Variants in DISP2 observed in about 807,000 individuals in gnomAD.
DISP2 encodes dispatched RND transporter family member 2.
Under a neutral mutation model 95.5 loss-of-function variants are expected in DISP2, and 59 were observed. The observed-to-expected ratio is 0.62, with a 90% CI of 0.50 to 0.77. The LOEUF (loss-of-function observed/expected upper bound fraction) is 0.77, where lower values mean the gene tolerates loss of function less well. DISP2 is among the 30% of genes least tolerant of loss of function. The pLI is 0.00. For missense variants in DISP2, 1,752 were observed against 1,854.6 expected, an observed-to-expected ratio of 0.94 and a Z score of 1.02; for synonymous variants, 827 against 815.0, an observed-to-expected ratio of 1.01 and a Z score of -0.25.
At position 40,369,355 on chromosome 15, in the gene DISP2, A is replaced by G; in HGVS notation, c.3243A>G (p.Thr1081=). 1 of 1,613,580 alleles carries G rather than the reference A, an allele frequency of 6.2e-7. No homozygotes were observed. Among genetic ancestry groups the G allele is most frequent in the Non-Finnish European group, 8.5e-7 (1 of 1,179,976 alleles). The change falls in exon 8 of 8, where the codon ACA becomes ACG. Residue 1081 remains threonine, a synonymous_variant. Coordinates refer to ENST00000267889, the MANE Select transcript of DISP2 (RefSeq NM_033510.3). ...CAGGCGTGCTCATGCTGCCTGCCACAGTGCTGCTCTATCGCAAGCTGGGCA... is the reference window on the plus strand; with the variant it reads ...CAGGCGTGCTCATGCTGCCTGCCACGGTGCTGCTCTATCGCAAGCTGGGCA... ...FAAGVLMLPA[T]VLLYRKLGII... is the part of the protein sequence containing the mutation.
In DISP2 at chr15:40,375,071, T is replaced by C. The variant is rs577651773; in HGVS notation, c.*4753T>C. 1 of 152,348 alleles carries C rather than the reference T, an allele frequency of 6.6e-6. No individual in the cohort carries two copies. Among genetic ancestry groups the C allele is most frequent in the South Asian group, 2.1e-4 (1 of 4,834 alleles). 9.4% of individuals were successfully genotyped at this position (152,348 alleles called of 1,614,324 possible). A position where few individuals can be genotyped will look rare whatever the true frequency, so the allele number is the denominator to read the frequency against. On this transcript the variant is annotated 3_prime_UTR_variant, in exon 8 of 8. Coordinates refer to ENST00000267889, the MANE Select transcript of DISP2 (RefSeq NM_033510.3). The stretch of plus-strand genomic sequence containing the variant: ...CTACCCACACCCTTGTTCACAGGGA[T>C]GACTGTAACTAAGGTCTGCAGGTAT...
rs772957187 is a variant in DISP2, at chr15:40,364,234, G to A, written c.458G>A (p.Arg153Gln). The change falls in exon 3 of 8, where the codon CGA (arginine) becomes CAA (glutamine). Residue 153 changes from arginine to glutamine, a missense_variant. By Grantham distance (43) the Arg-to-Gln change is conservative (BLOSUM62 1). This residue lies in a region of DISP2 where 342 missense variants were observed against 364.3 expected (regional missense o/e 0.94). Coordinates refer to ENST00000267889, the MANE Select transcript of DISP2 (RefSeq NM_033510.3). ...TTTCTTCTCTTCCACAGGCAGGAAC[G>A]AGCCTTCCAGATGCCAAAGAGGTAG... ...QHHVVSVRQE[R>Q]AFQMPKSYSQ... The A allele has an allele frequency of 6.2e-6, 10 of 1,613,946 alleles. No individual in the cohort carries two copies. Among genetic ancestry groups the A allele is most frequent in the African/African-American group, 2.7e-5 (2 of 74,896 alleles).
In DISP2 at chr15:40,358,447, C is replaced by T. The variant is rs191537922; in HGVS notation, c.119+7C>T. ...ACGGCGGCTCCCCGGACAGGTAGGGCGGACAGCTCCGCAGATCCGTATCAC... is the reference window on the plus strand; with the variant it reads ...ACGGCGGCTCCCCGGACAGGTAGGGTGGACAGCTCCGCAGATCCGTATCAC... On this transcript the variant is annotated splice_region_variant and intron_variant, in intron 1 of 7. Coordinates refer to ENST00000267889, the MANE Select transcript of DISP2 (RefSeq NM_033510.3). 5.4e-4 allele frequency: 706 copies of T among 1,304,654 alleles called. 4 individuals carry two copies. In the African/African-American group the frequency reaches 0.01, roughly 19 times the overall value. The allele number at this position is 1,304,654 out of a possible 1,614,324, so 80.8% of individuals were successfully genotyped here.
Position 40,358,225 on chromosome 15 carries a change from AC to A in DISP2, c.-96del, listed in dbSNP as rs1182011196. 6.2e-6 allele frequency: 5 copies of A among 806,126 alleles called. No individual in the cohort carries two copies. The highest frequency in any genetic ancestry group is 7.8e-6 in the Non-Finnish European group (5 of 638,634). The allele number at this position is 806,126 out of a possible 1,614,324, so 49.9% of individuals were successfully genotyped here. On this transcript the variant is annotated 5_prime_UTR_variant, in exon 1 of 8. Transcript: ENST00000267889. ...GCCCGCTCAGAGCCTACGCATGCGC[AC>A]GAGCACCCCGCCGCCGCTGCCGCCG... is the stretch of plus-strand genomic sequence containing the variant.
At position 40,363,653 on chromosome 15, in the gene DISP2, G is replaced by C; in HGVS notation, c.148G>C (p.Ala50Pro). 6.4e-7 allele frequency: 1 copy of C among 1,558,130 alleles called. No homozygotes were observed. The highest frequency in any genetic ancestry group is 1.2e-5 in the South Asian group (1 of 82,160). Residue 50 changes from alanine (A) to proline (P), a missense_variant, in exon 2 of 8, where the codon GCA becomes CCA. Physicochemically the swap from Ala to Pro is conservative, Grantham distance 27 (BLOSUM62 -1). Transcript: ENST00000267889. ...CCAGACCAAGGCTGTGCCCCCTGAG[G>C]CAAGCCCAGAGAGAAGCTGCTCCCT... is the stretch of plus-strand genomic sequence containing the variant. ...STQTKAVPPE[A>P]SPERSCSLHS...
At chr15:40,365,088 G>C in intron 5 of DISP2, 59 bp from the exon 6 acceptor site, 1 of 1,594,924 alleles carries the variant, frequency 6.3e-7, no homozygotes, top group Admixed American at 1.7e-5. Flanking sequence ...GTGGTCTCTG[G>C]CCTCCTCTGA....
At position 40,370,034 on chromosome 15, in the gene DISP2, C is replaced by T. The variant is rs771158702; in HGVS notation, c.3922C>T (p.Arg1308Cys). 37 of 1,613,998 alleles carry T rather than the reference C, an allele frequency of 2.3e-5. No homozygotes were observed. The highest frequency in any genetic ancestry group is 8.9e-5 in the East Asian group (4 of 44,888). Residue 1308 changes from arginine (R) to cysteine (C), a missense_variant, in exon 8 of 8, where the codon CGT becomes TGT. Transcript: ENST00000267889. ...CCTAAGCACCTCTGAGCCCAGTGCC[C>T]GTGTACCAGATTCCGTGGGTGTGTC... is the stretch of plus-strand genomic sequence containing the variant. ...TCLSTSEPSA[R>C]VPDSVGVSPD... is the part of the protein sequence containing the mutation.
Position 40,369,198 on chromosome 15 carries a change from C to T in DISP2, c.3086C>T (p.Ser1029Leu). The T allele has an allele frequency of 6.2e-7, 1 of 1,613,928 alleles. No homozygotes were observed. Among genetic ancestry groups the T allele is most frequent in the Non-Finnish European group, 8.5e-7 (1 of 1,180,036 alleles). ...ALFLSASVGLSVDFTVNYCIS... is the reference protein window; with the variant it reads ...ALFLSASVGLLVDFTVNYCIS... ...TTTCTCTCTGCCTCAGTGGGCCTCTCAGTAGACTTCACTGTCAACTACTGC... is the reference window on the plus strand; with the variant it reads ...TTTCTCTCTGCCTCAGTGGGCCTCTTAGTAGACTTCACTGTCAACTACTGC... The change falls in exon 8 of 8, where the codon TCA becomes TTA. Residue 1029 changes from serine to leucine, a missense_variant. This residue lies in a region of DISP2 where 317 missense variants were observed against 394.9 expected (regional missense o/e 0.80). Transcript: ENST00000267889.
rs202129208 is a variant in DISP2, at chr15:40,367,843, G to T, written c.1731G>T (p.Gly577=). 2 of 1,600,974 alleles carry T rather than the reference G, an allele frequency of 1.2e-6. No individual in the cohort carries two copies. The highest frequency in any genetic ancestry group is 1.7e-6 in the Non-Finnish European group (2 of 1,179,870). The part of the protein sequence containing the change: ...RLSKSQLPSG[G]LAQRVGRTMH... Reference sequence around the variant, plus strand: ...GCAAGAGCCAGCTGCCGTCGGGGGGGCTGGCGCAGCGCGTGGGCCGCACCA... The same window carrying T: ...GCAAGAGCCAGCTGCCGTCGGGGGGTCTGGCGCAGCGCGTGGGCCGCACCA... The change falls in exon 8 of 8, where the codon GGG becomes GGT. Residue 577 remains glycine, a synonymous_variant. Coordinates refer to ENST00000267889, the MANE Select transcript of DISP2 (RefSeq NM_033510.3).
At position 40,371,325 on chromosome 15, in the gene DISP2, C is replaced by T. The variant is rs1207082515; in HGVS notation, c.*1007C>T. 6.6e-6 allele frequency: 1 copy of T among 152,264 alleles called. No homozygotes were observed. Among genetic ancestry groups the T allele is most frequent in the Non-Finnish European group, 1.5e-5 (1 of 68,072 alleles). 9.4% of individuals were successfully genotyped at this position (152,264 alleles called of 1,614,324 possible). A position where few individuals can be genotyped will look rare whatever the true frequency, so the allele number is the denominator to read the frequency against. On this transcript the variant is annotated 3_prime_UTR_variant, in exon 8 of 8. Coordinates refer to ENST00000267889, the MANE Select transcript of DISP2 (RefSeq NM_033510.3). Reference sequence around the variant, plus strand: ...GTCTCTGACTGAATCCAGCCACCCTCTTTGGGCCTCCACTTCCTGAGAGAG... The same window carrying T: ...GTCTCTGACTGAATCCAGCCACCCTTTTTGGGCCTCCACTTCCTGAGAGAG...
Position 40,369,045 on chromosome 15 carries a change from C to T in DISP2, c.2933C>T (p.Thr978Ile), listed in dbSNP as rs1445102471. 6.2e-7 allele frequency: 1 copy of T among 1,614,068 alleles called. No homozygotes were observed. Among genetic ancestry groups the T allele is most frequent in the Admixed American group, 1.7e-5 (1 of 60,036 alleles). Residue 978 changes from threonine (T) to isoleucine (I), a missense_variant, in exon 8 of 8, where the codon ACA (threonine) becomes ATA (isoleucine). Around this residue, in one of 5 missense-constraint regions of DISP2, gnomAD observed 317 missense variants for 394.9 expected, o/e 0.80. Coordinates refer to ENST00000267889, the MANE Select transcript of DISP2 (RefSeq NM_033510.3). ...LGLALALAFA[T>I]LLLGTWNVPL... The stretch of plus-strand genomic sequence containing the variant: ...CTGGCTTTGGCGCTGGCCTTTGCCA[C>T]ACTGCTCCTGGGCACCTGGAATGTT...
chr15:40,378,483 C>A lies in DISP2; in HGVS notation c.*8165C>A, dbSNP rs1055330669. On this transcript the variant is annotated 3_prime_UTR_variant, in exon 8 of 8. Transcript: ENST00000267889. ...AAATTGTACACTTAAAATATGTGGT[C>A]TATGGAATGTTAATTATATCTCAAT... The A allele has an allele frequency of 3.3e-5, 5 of 152,006 alleles. No homozygotes were observed. Among genetic ancestry groups the A allele is most frequent in the Admixed American group, 1.3e-4 (2 of 15,258 alleles). The allele number at this position is 152,006 out of a possible 1,614,324, so 9.4% of individuals were successfully genotyped here.
Position 40,363,897 on chromosome 15 carries a change from C to G in DISP2, c.392C>G (p.Ser131Ter). The change falls in exon 2 of 8, where the codon TCA becomes TGA. Residue 131 changes from serine to a stop codon, truncating the protein, a stop_gained. Coordinates refer to ENST00000267889, the MANE Select transcript of DISP2 (RefSeq NM_033510.3). LOFTEE classifies it high-confidence loss of function. ...AGCCTCAGCCCTTCTCCAGCCCCCT[C>G]ACAGCGCGATGGGACCTGGAAGCCA... is the stretch of plus-strand genomic sequence containing the variant. The part of the protein sequence containing the change: ...GSSLSPSPAP[S>*]QRDGTWKPPA... 2 of 1,574,142 alleles carry G rather than the reference C, an allele frequency of 1.3e-6. No homozygotes were observed. Among genetic ancestry groups the G allele is most frequent in the Non-Finnish European group, 1.7e-6 (2 of 1,157,564 alleles).
In DISP2 at chr15:40,367,679, T is replaced by G; in HGVS notation, c.1567T>G (p.Ser523Ala). Residue 523 changes from serine (S) to alanine (A), a missense_variant, in exon 8 of 8, where the codon TCA becomes GCA. Physicochemically the swap from Ser to Ala is moderately conservative, Grantham distance 99 (BLOSUM62 1). Around this residue, in one of 5 missense-constraint regions of DISP2, gnomAD observed 732 missense variants for 714.6 expected, o/e 1.02. Coordinates refer to ENST00000267889, the MANE Select transcript of DISP2 (RefSeq NM_033510.3). The part of the protein sequence containing the change: ...TLMVLLGVLG[S>A]LLVAFFLYQV... ...CATGGTGCTGCTGGGGGTGCTGGGC[T>G]CACTGCTGGTGGCCTTCTTCCTTTA... 6.2e-7 allele frequency: 1 copy of G among 1,613,962 alleles called. No individual in the cohort carries two copies. The highest frequency in any genetic ancestry group is 1.1e-5 in the South Asian group (1 of 91,074).
At chr15:40,366,919 C>G (rs539738272) in intron 7 of DISP2, 139 bp from the exon 8 acceptor site, 1 of 1,158,994 alleles carries the variant, frequency 8.6e-7, no homozygotes, top group African/African-American at 1.6e-5. Flanking sequence ...GGAGACAAGC[C>G]TATCTCACCA....
rs1427765966 is a variant in DISP2, at chr15:40,375,281, A to G, written c.*4963A>G. 6.6e-6 allele frequency: 1 copy of G among 152,190 alleles called. No individual in the cohort carries two copies. The highest frequency in any genetic ancestry group is 1.5e-5 in the Non-Finnish European group (1 of 68,034). 9.4% of individuals were successfully genotyped at this position (152,190 alleles called of 1,614,324 possible). A position where few individuals can be genotyped will look rare whatever the true frequency, so the allele number is the denominator to read the frequency against. On this transcript the variant is annotated 3_prime_UTR_variant, in exon 8 of 8. Transcript: ENST00000267889. ...CTTTGTGATTACTCACATTTTTCTC[A>G]ATATAGGGGAAAGATCAGCATTTTA...
chr15:40,358,257 G>GCCACCA lies in DISP2; in HGVS notation c.-63_-62insACCACC, dbSNP rs1018445073. On this transcript the variant is annotated 5_prime_UTR_variant, in exon 1 of 8. Transcript: ENST00000267889. Reference sequence around the variant, plus strand: ...CCCCGCCGCCGCTGCCGCCGCCACCGCCGCCGCCGCCGCCGCCGCCGCGGC... The same window carrying GCCACCA: ...CCCCGCCGCCGCTGCCGCCGCCACCGCCACCACCGCCGCCGCCGCCGCCGCCGCGGC... 3.8e-4 allele frequency: 326 copies of GCCACCA among 857,864 alleles called. 1 individual carries two copies. Among genetic ancestry groups the GCCACCA allele is most frequent in the Non-Finnish European group, 4.4e-4 (305 of 692,510 alleles). The allele number at this position is 857,864 out of a possible 1,614,324, so 53.1% of individuals were successfully genotyped here.
rs747625692 is a variant in DISP2 at position 40,367,955 on chromosome 15, G to C, written c.1843G>C (p.Val615Leu). The change falls in exon 8 of 8, where the codon GTT becomes CTT. Residue 615 changes from valine (V) to leucine (L), a missense_variant. Coordinates refer to ENST00000267889, the MANE Select transcript of DISP2 (RefSeq NM_033510.3). ...YASYLSRLPA[V>L]RCLALFMGTA... is the part of the protein sequence containing the mutation. ...CAGCTACCTGAGCCGCCTGCCGGCC[G>C]TTCGCTGCCTCGCCCTCTTCATGGG... is the stretch of plus-strand genomic sequence containing the variant. 17 of 1,578,942 alleles carry C rather than the reference G, an allele frequency of 1.1e-5. No individual in the cohort carries two copies. The highest frequency in any genetic ancestry group is 1.5e-5 in the Non-Finnish European group (17 of 1,170,536).
rs1278313292 is a variant in DISP2, at chr15:40,372,357, G to A, written c.*2039G>A. On this transcript the variant is annotated 3_prime_UTR_variant, in exon 8 of 8. Coordinates refer to ENST00000267889, the MANE Select transcript of DISP2 (RefSeq NM_033510.3). ...CAGAGCTGGAGGCAAATCAGATGAT[G>A]TTTTTGTTTTATTTAGTTTTTTATT... 1 of 152,186 alleles carries A rather than the reference G, an allele frequency of 6.6e-6. No homozygotes were observed. Among genetic ancestry groups the A allele is most frequent in the Non-Finnish European group, 1.5e-5 (1 of 68,058 alleles). The allele number at this position is 152,186 out of a possible 1,614,324, so 9.4% of individuals were successfully genotyped here. A position where few individuals can be genotyped will look rare whatever the true frequency, so the allele number is the denominator to read the frequency against.
Sources: allele counts gnomAD v4.1 joint callset, GRCh38; gene constraint gnomAD v4.1.1; regional missense constraint gnomAD v4.1.1; transcripts MANE v1.5; gene names NCBI Gene and HGNC (gene_info 2026-07-23, HGNC 2026-07-21).